The following ZNF124 variants were observed in gnomAD, a reference collection of about 807,000 sequenced individuals.
The protein encoded by ZNF124 is zinc finger protein 124.
A neutral mutation model predicts 26.6 loss-of-function variants in ZNF124; 25 were observed. The observed-to-expected ratio is 0.94, with a 90% CI of 0.68 to 1.31. The LOEUF is 1.31. Among genes scored for constraint, ZNF124 ranks in the 40% most tolerant of loss-of-function variants. The probability of loss-of-function intolerance (pLI) is 0.00; values close to 1 mark genes in which losing one functional copy is unlikely to be tolerated. For missense variants in ZNF124, 444 were observed against 422.2 expected (o/e 1.05, Z -0.45); for synonymous variants, 129 against 133.3 (o/e 0.97, Z 0.22).
At chr1:247,163,108 A>G (rs148076656) in intron 1 of ZNF124, among the ~76,000 whole-genome samples, 109 of 152,296 alleles carry the variant, frequency 7.2e-4, no homozygotes, top group African/African-American at 2.4e-3. Flanking sequence ...TTTGAAACTA[A>G]TAAGAACAAA....
intron 3 of ZNF124, chr1:247,138,609 A>G (rs968154470): frequency 2.5e-6 from 1 of 395,808 alleles, no homozygotes. Context: ...TAAAACATAA[A>G]AATTCTGGAC....
chr1:247,157,274 G>A lies in ZNF124; in HGVS notation c.348C>T (p.His116=), dbSNP rs2103120422. The part of the protein sequence containing the change: ...VTRVHRDTVM[H]TGNGHYGCTI... ...TACAACCATAATGTCCATTTCCAGT[G>A]TGCATTACTGTGTCTCTGTGAACCC... is the stretch of plus-strand genomic sequence containing the variant. Residue 116 remains histidine, a synonymous_variant, in exon 4 of 4, where the codon CAC becomes CAT. Transcript: ENST00000543802. 2 of 1,610,936 alleles carry A rather than the reference G, an allele frequency of 1.2e-6. No individual in the cohort carries two copies. The highest frequency in any genetic ancestry group is 2.2e-5 in the South Asian group (2 of 90,766).
At chr1:247,132,089 T>C (rs1352499697) in intron 3 of ZNF124, among the ~76,000 whole-genome samples, 1 of 152,132 alleles carries the variant, frequency 6.6e-6, no homozygotes, top group Non-Finnish European at 1.5e-5. Context: ...CCATCTTTGC[T>C]CTTCTCTAGC....
intron 1 of ZNF124, among the ~76,000 whole-genome samples, chr1:247,160,799 C>G (rs1272846446): frequency 6.6e-6 from 1 of 152,140 alleles, no homozygotes; most frequent in Non-Finnish European, 1.5e-5. Flanking sequence ...AAATTGAGCC[C>G]AATCCACGTG....
intron 3 of ZNF124, among the ~76,000 whole-genome samples, chr1:247,137,328 A>C (rs59258293): frequency 6.6e-6 from 1 of 150,642 alleles, no homozygotes; most frequent in South Asian, 2.1e-4. Flanking sequence ...TGTAAAATCC[A>C]AAACCATAAA....
chr1:247,131,082 A>G (rs865997603), intron 3 of ZNF124, among the ~76,000 whole-genome samples: 14 of 152,170 alleles, frequency 9.2e-5, no homozygotes, highest in Admixed American at 7.9e-4. Context: ...AAACAAACTA[A>G]AAAACTCATA....
downstream of ZNF124, among the ~76,000 whole-genome samples, chr1:247,150,499 G>GA (rs554364070): frequency 1.3e-5 from 2 of 151,688 alleles, no homozygotes; most frequent in Non-Finnish European, 2.9e-5. Flanking sequence ...TAGCTTACTG[G>GA]AAAAAAATAA....
intron 3 of ZNF124, among the ~76,000 whole-genome samples, chr1:247,137,787 A>T (rs1672522681): frequency 6.6e-6 from 1 of 152,234 alleles, no homozygotes; most frequent in African/African-American, 2.4e-5. Flanking sequence ...CTCATCAAAA[A>T]GTGGGCAAGG....
intron 1 of ZNF124, 171 bp from the exon 2 acceptor site, chr1:247,159,984 T>TTG (rs1363125860): frequency 7.1e-6 from 3 of 424,324 alleles, no homozygotes; most frequent in Non-Finnish European, 6.8e-6. Context: ...CAGTTCTTTT[T>TTG]TTTTTTTTTT....
At chr1:247,137,561 T>C (rs1389540239) in intron 3 of ZNF124, among the ~76,000 whole-genome samples, 1 of 149,068 alleles carries the variant, frequency 6.7e-6, no homozygotes, top group Non-Finnish European at 1.5e-5. Context: ...GGCAACTTCA[T>C]GGCAAAAATG....
intron 3 of ZNF124, chr1:247,138,557 C>G (rs1672545607): frequency 5.2e-6 from 2 of 381,982 alleles, no homozygotes; most frequent in Non-Finnish European, 9.3e-6. Context: ...AACAAACTCA[C>G]ATGTTCTACA....
downstream of ZNF124, among the ~76,000 whole-genome samples, chr1:247,153,596 A>C (rs2103115123): frequency 6.6e-6 from 1 of 152,310 alleles, no homozygotes; most frequent in East Asian, 1.9e-4. Flanking sequence ...CTACTCATGT[A>C]AAGTTACAGG....
At chr1:247,122,307 T>A (rs1217107982) in exon 4 of ZNF124, 1 of 152,222 alleles carries the variant, frequency 6.6e-6, no homozygotes, top group African/African-American at 2.4e-5. Flanking sequence ...ACACAATGAT[T>A]TATGGAGAAT....
intron 3 of ZNF124, among the ~76,000 whole-genome samples, chr1:247,132,134 T>G (rs1453007986): frequency 6.6e-6 from 1 of 151,882 alleles, no homozygotes; most frequent in Non-Finnish European, 1.5e-5. Flanking sequence ...TGGGAGTGAA[T>G]CAGATGAATA....
In ZNF124 at chr1:247,155,933, C is replaced by G. The variant is rs1371999779; in HGVS notation, c.*633G>C. On this transcript the variant is annotated 3_prime_UTR_variant, in exon 4 of 4. Transcript: ENST00000543802. ...AGTGAAAATCTATATTCTAGAGACT[C>G]TCTTCAAAAATGAGCAACCAATATA... 1.4e-5 allele frequency: 13 copies of G among 926,354 alleles called. No homozygotes were observed. The East Asian group carries it at 7.0e-4, about 50-fold the overall frequency. 57.4% of individuals were successfully genotyped at this position (926,354 alleles called of 1,614,324 possible).
intron 3 of ZNF124, among the ~76,000 whole-genome samples, chr1:247,144,197 G>T (rs555061308): frequency 1.3e-5 from 2 of 152,120 alleles, no homozygotes; most frequent in Non-Finnish European, 2.9e-5. Context: ...TTTACTCTGC[G>T]GGTTTCGGGT....
intron 3 of ZNF124, among the ~76,000 whole-genome samples, chr1:247,132,296 T>C (rs1672385918): frequency 6.6e-6 from 1 of 151,992 alleles, no homozygotes; most frequent in Non-Finnish European, 1.5e-5. Flanking sequence ...GCCAGCAGCC[T>C]CAAAACTGAA....
intron 3 of ZNF124, among the ~76,000 whole-genome samples, chr1:247,157,918 T>C (rs1204418348): frequency 6.6e-6 from 1 of 151,196 alleles, no homozygotes; most frequent in Non-Finnish European, 1.5e-5. Flanking sequence ...GAGTGACTTC[T>C]CGCTCTATTA....
chr1:247,158,901 T>C, intron 3 of ZNF124, 105 bp downstream of exon 3: 3 of 1,048,166 alleles, frequency 2.9e-6, no homozygotes, highest in Non-Finnish European at 4.2e-6. Flanking sequence ...AGTGCTGGGA[T>C]TACAGGTGTG....
Sources: gnomAD v4.1 joint callset for allele counts (sites outside exome capture counted in the v4.1 genomes callset) on GRCh38, gnomAD v4.1.1 for gene constraint, MANE v1.5 for transcripts, NCBI Gene and HGNC (gene_info 2026-07-23, HGNC 2026-07-21) for gene names.